CCDC195: variants seen among roughly 807,000 people sequenced by gnomAD.
The protein encoded by CCDC195 is coiled-coil domain containing 195.
rs555452025 is a variant in CCDC195, at chr2:224,712,955, G to A, written c.236-2736C>T. Among the ~76,000 whole-genome samples, 108 of 151,806 alleles carry A rather than the reference G, an allele frequency of 7.1e-4. 1 individual carries two copies. The highest frequency in any genetic ancestry group is 1.8e-3 in the African/African-American group (74 of 41,402). ...GCAATCTCAGCTCACTGCAACTTCC[G>A]CCTCCCGGGTTCAAGCGGTTCTCCT... On this transcript the variant is annotated intron_variant, in intron 1 of 2. Transcript: ENST00000638102.
intron 1 of CCDC195, among the ~76,000 whole-genome samples, chr2:224,715,741 A>G (rs1356239831): frequency 6.6e-6 from 1 of 152,178 alleles, no homozygotes; most frequent in Non-Finnish European, 1.5e-5. Context: ...CCATTCCCTT[A>G]TCTGGTGTGC....
At chr2:224,711,244 G>A (rs1689315154) in intron 1 of CCDC195, among the ~76,000 whole-genome samples, 1 of 152,118 alleles carries the variant, frequency 6.6e-6, no homozygotes, top group Non-Finnish European at 1.5e-5. Flanking sequence ...GGAAATTGGA[G>A]AGCCCCTGAA....
intron 2 of CCDC195, among the ~76,000 whole-genome samples, chr2:224,709,343 G>C (rs892192987): frequency 6.6e-6 from 1 of 152,046 alleles, no homozygotes; most frequent in African/African-American, 2.4e-5. Flanking sequence ...GCCCGCCTCG[G>C]CATCCCAAAG....
At chr2:224,707,640 A>G (rs1037360619) in intron 2 of CCDC195, among the ~76,000 whole-genome samples, 15 of 152,220 alleles carry the variant, frequency 9.9e-5, no homozygotes, top group Non-Finnish European at 1.2e-4. Flanking sequence ...TTTACTGATT[A>G]TCATGTTGCA....
At chr2:224,714,351 C>A (rs1689356051) in intron 1 of CCDC195, among the ~76,000 whole-genome samples, 1 of 152,142 alleles carries the variant, frequency 6.6e-6, no homozygotes, top group Non-Finnish European at 1.5e-5. Context: ...ACAGTTAGTT[C>A]TAAGATGCAA....
At chr2:224,705,393 G>GA (rs1452955671) in intron 2 of CCDC195, among the ~76,000 whole-genome samples, 1 of 152,080 alleles carries the variant, frequency 6.6e-6, no homozygotes, top group Non-Finnish European at 1.5e-5. Context: ...TCAAAATTAA[G>GA]AAAAAATTAA....
At chr2:224,710,349 AG>A (rs1487896499) in intron 1 of CCDC195, 130 bp from the exon 2 acceptor site, 1 of 394,828 alleles carries the variant, frequency 2.5e-6, no homozygotes, top group Non-Finnish European at 4.5e-6. Context: ...TTGGCATAAA[AG>A]ATATCCATTT....
intron 1 of CCDC195, among the ~76,000 whole-genome samples, chr2:224,714,457 C>T (rs1259382870): frequency 7.2e-5 from 11 of 151,914 alleles, no homozygotes; most frequent in Admixed American, 6.6e-4. Context: ...GGATGGGGTG[C>T]GATTTTGTTC....
intron 2 of CCDC195, among the ~76,000 whole-genome samples, chr2:224,708,001 T>TCCCTCCCTCCCG (rs57786918): frequency 1.7e-5 from 1 of 60,312 alleles, no homozygotes; most frequent in Non-Finnish European, 2.7e-5. Context: ...CCTCCCTCCC[T>TCCCTCCCTCCCG]TCCTTCCTTT....
intron 2 of CCDC195, among the ~76,000 whole-genome samples, chr2:224,708,039 G>C (rs1689247777): frequency 9.8e-6 from 1 of 102,456 alleles, no homozygotes. Context: ...TTCCTTCTTA[G>C]AGGCAAGGTC....
chr2:224,705,014 GCGGTCACTCAAC>G (rs1164743849), intron 2 of CCDC195, among the ~76,000 whole-genome samples: 2 of 152,134 alleles, frequency 1.3e-5, no homozygotes, highest in Non-Finnish European at 2.9e-5. Flanking sequence ...CACTTGGTGA[GCGGTCACTCAAC>G]CACCTCATTT....
At chr2:224,715,415 A>G (rs764543338) in intron 1 of CCDC195, among the ~76,000 whole-genome samples, 160 of 152,338 alleles carry the variant, frequency 1.1e-3, no homozygotes, top group Non-Finnish European at 1.7e-3. Context: ...TTTAGAATAT[A>G]TCAAACATCG....
chr2:224,705,713 G>T (rs1697232889), intron 2 of CCDC195, among the ~76,000 whole-genome samples: 1 of 152,116 alleles, frequency 6.6e-6, no homozygotes, highest in Non-Finnish European at 1.5e-5. Flanking sequence ...TAAAAAAAAT[G>T]CTCAATTCCT....
intron 1 of CCDC195, among the ~76,000 whole-genome samples, chr2:224,714,796 G>A (rs1036879434): frequency 5.3e-5 from 8 of 152,042 alleles, no homozygotes; most frequent in African/African-American, 1.9e-4. Context: ...TATGAAAAAG[G>A]AAAAAGACCT....
intron 1 of CCDC195, among the ~76,000 whole-genome samples, chr2:224,711,530 T>A (rs1446013752): frequency 1.3e-5 from 2 of 152,160 alleles, no homozygotes; most frequent in Non-Finnish European, 2.9e-5. Context: ...TCTACTTGCA[T>A]GTCCAGTGTT....
At chr2:224,710,173 G>A (rs1043374510) in exon 2 of CCDC195, 1 of 398,524 alleles carries the variant, frequency 2.5e-6, no homozygotes, top group Non-Finnish European at 4.4e-6. Flanking sequence ...CAGCAGATGA[G>A]CAAACTGATG....
At chr2:224,712,211 C>T (rs1689325790) in intron 1 of CCDC195, among the ~76,000 whole-genome samples, 1 of 152,154 alleles carries the variant, frequency 6.6e-6, no homozygotes, top group Admixed American at 6.5e-5. Flanking sequence ...GCATCACAGG[C>T]TCATTAGAAC....
exon 1 of CCDC195, chr2:224,716,204 C>T (rs532253583): frequency 7.5e-5 from 30 of 398,708 alleles, no homozygotes; most frequent in Admixed American, 6.2e-4. Context: ...ATTGTCCTGG[C>T]GCTTCCTCCT....
intron 1 of CCDC195, among the ~76,000 whole-genome samples, chr2:224,712,368 G>A (rs1380946992): frequency 1.3e-5 from 2 of 152,168 alleles, no homozygotes; most frequent in Non-Finnish European, 2.9e-5. Context: ...AAGAGGGGCC[G>A]GGAAACATCT....
Sources: gnomAD v4.1 joint callset for allele counts (sites outside exome capture counted in the v4.1 genomes callset) on GRCh38, gnomAD v4.1.1 for gene constraint, MANE v1.5 for transcripts, NCBI Gene and HGNC (gene_info 2026-07-23, HGNC 2026-07-21) for gene names.